The following CCDC148 variants were observed in gnomAD, a reference collection of about 807,000 sequenced individuals.
The protein encoded by CCDC148 is coiled-coil domain-containing protein 148.
A neutral mutation model predicts 85.7 loss-of-function variants in CCDC148; 89 were observed. The ratio of observed to expected loss-of-function variants is 1.04; its 90% CI spans 0.87 to 1.24. The LOEUF is 1.24. Ranked by LOEUF, CCDC148 falls within the 50% of genes most tolerant of loss-of-function variation. The pLI is 0.00. For missense variants in CCDC148, 692 were observed against 671.7 expected, an observed-to-expected ratio of 1.03 and a Z score of -0.33; for synonymous variants, 230 against 213.9, an observed-to-expected ratio of 1.08 and a Z score of -0.66.
chr2:158,273,838 C>A (rs1277573195), intron 9 of CCDC148, among the ~76,000 whole-genome samples: 1 of 152,110 alleles, frequency 6.6e-6, no homozygotes, highest in African/African-American at 2.4e-5. Context: ...TCAGCATGAT[C>A]TACCTTGCTA....
At chr2:158,360,244 C>T (rs936631020) in intron 1 of CCDC148, among the ~76,000 whole-genome samples, 2 of 152,278 alleles carry the variant, frequency 1.3e-5, no homozygotes, top group Non-Finnish European at 2.9e-5. Context: ...CAGCTGTGAG[C>T]GCAGCTTCAG....
chr2:158,319,283 G>A (rs1170079902), intron 7 of CCDC148, among the ~76,000 whole-genome samples: 3 of 152,074 alleles, frequency 2.0e-5, no homozygotes, highest in Admixed American at 6.5e-5. Context: ...CCCATCTCCA[G>A]CCCTGGCAGT....
chr2:158,449,574 G>A (rs778867840), intron 1 of CCDC148, among the ~76,000 whole-genome samples: 10 of 152,028 alleles, frequency 6.6e-5, no homozygotes, highest in East Asian at 5.8e-4. Context: ...TCAGCCTTTC[G>A]AGTAGCTGGC....
chr2:158,431,983 C>T (rs1687376747), intron 1 of CCDC148, among the ~76,000 whole-genome samples: 2 of 151,756 alleles, frequency 1.3e-5, no homozygotes, highest in Non-Finnish European at 2.9e-5. Flanking sequence ...CACACATATA[C>T]ATGAAAAATA....
intron 1 of CCDC148, among the ~76,000 whole-genome samples, chr2:158,365,110 C>T (rs2105273999): frequency 6.6e-6 from 1 of 152,214 alleles, no homozygotes; most frequent in African/African-American, 2.4e-5. Context: ...AATGAGATAC[C>T]ATCTCATGCC....
chr2:158,347,792 C>G (rs1332711222), intron 2 of CCDC148, among the ~76,000 whole-genome samples: 2 of 151,966 alleles, frequency 1.3e-5, no homozygotes, highest in East Asian at 3.9e-4. Context: ...ACTAGTAGAC[C>G]ACTGGTTACA....
At chr2:158,356,613 A>G (rs2105264439) in intron 2 of CCDC148, among the ~76,000 whole-genome samples, 1 of 149,036 alleles carries the variant, frequency 6.7e-6, no homozygotes, top group African/African-American at 2.4e-5. Context: ...AGAAATAGGA[A>G]CACTTTTACA....
chr2:158,374,365 A>G (rs1298688163), intron 1 of CCDC148, among the ~76,000 whole-genome samples: 2 of 152,054 alleles, frequency 1.3e-5, no homozygotes, highest in African/African-American at 2.4e-5. Context: ...TGGGGTTAAG[A>G]AGGAGATTCT....
chr2:158,400,162 C>T (rs1192764178), intron 1 of CCDC148, among the ~76,000 whole-genome samples: 3 of 152,072 alleles, frequency 2.0e-5, no homozygotes, highest in African/African-American at 7.2e-5. Flanking sequence ...CAATGCCATC[C>T]CCATCAAGCT....
At chr2:158,270,826 G>T (rs903504781) in intron 9 of CCDC148, among the ~76,000 whole-genome samples, 4 of 152,046 alleles carry the variant, frequency 2.6e-5, no homozygotes, top group Non-Finnish European at 5.9e-5. Context: ...ATTATAGAAA[G>T]CACTCTTAGT....
chr2:158,177,373 G>C (rs1242836508), intron 12 of CCDC148, among the ~76,000 whole-genome samples: 1 of 152,034 alleles, frequency 6.6e-6, no homozygotes, highest in Non-Finnish European at 1.5e-5. Context: ...TCAAGAATTA[G>C]CATGAAGAAA....
At chr2:158,236,065 T>G (rs971746014) in intron 10 of CCDC148, 1 of 152,232 alleles carries the variant, frequency 6.6e-6, no homozygotes, top group Non-Finnish European at 1.5e-5. Context: ...GTGATACGAC[T>G]CAGGGAGAAG....
At chr2:158,331,312 C>A (rs986435020) in intron 7 of CCDC148, among the ~76,000 whole-genome samples, 1 of 152,090 alleles carries the variant, frequency 6.6e-6, no homozygotes, top group African/African-American at 2.4e-5. Context: ...TGTAGTTGAG[C>A]AGTTTTGAGT....
intron 10 of CCDC148, among the ~76,000 whole-genome samples, chr2:158,243,204 G>C (rs1688424042): frequency 6.6e-6 from 1 of 151,972 alleles, no homozygotes; most frequent in East Asian, 1.9e-4. Flanking sequence ...AAATGCAAGG[G>C]GCCACAGGGG....
At chr2:158,334,994 C>A (rs888663591) in intron 7 of CCDC148, among the ~76,000 whole-genome samples, 1 of 152,152 alleles carries the variant, frequency 6.6e-6, no homozygotes, top group South Asian at 2.1e-4. Context: ...TATTGAATTA[C>A]GGATGTTTTT....
intron 11 of CCDC148, among the ~76,000 whole-genome samples, chr2:158,201,792 A>G (rs1685977878): frequency 6.6e-6 from 1 of 152,186 alleles, no homozygotes; most frequent in East Asian, 1.9e-4. Context: ...TTAAAAAAAC[A>G]TTATTATGAC....
chr2:158,357,972 T>C (rs1257292078), intron 2 of CCDC148, among the ~76,000 whole-genome samples: 1 of 152,168 alleles, frequency 6.6e-6, no homozygotes, highest in Non-Finnish European at 1.5e-5. Flanking sequence ...GCAAAATCAC[T>C]TGCACATAAT....
chr2:158,187,467 T>C (rs1447931427), intron 11 of CCDC148, among the ~76,000 whole-genome samples: 3 of 151,980 alleles, frequency 2.0e-5, no homozygotes, highest in Non-Finnish European at 4.4e-5. Flanking sequence ...GAGGAAGCCA[T>C]ACTTTCTGTC....
intron 10 of CCDC148, among the ~76,000 whole-genome samples, chr2:158,227,188 A>T (rs1574445186): frequency 6.6e-6 from 1 of 152,220 alleles, no homozygotes; most frequent in Non-Finnish European, 1.5e-5. Context: ...CCAAATCATG[A>T]GTGAACTCCC....
Sources: gnomAD v4.1 joint callset for allele counts (sites outside exome capture counted in the v4.1 genomes callset) on GRCh38, gnomAD v4.1.1 for gene constraint, MANE v1.5 for transcripts, NCBI Gene and HGNC (gene_info 2026-07-23, HGNC 2026-07-21) for gene names.